Variants in DNAH17 observed in about 807,000 individuals in gnomAD.
DNAH17 encodes axonemal beta dynein heavy chain 17.
A neutral mutation model predicts 485.6 loss-of-function variants in DNAH17; 376 were observed. The observed-to-expected ratio is 0.77, with a 90% confidence interval of 0.71 to 0.84. The LOEUF (loss-of-function observed/expected upper bound fraction) is 0.84, where lower values mean the gene tolerates loss of function less well. DNAH17 is among the 40% of genes least tolerant of loss of function. The pLI, the probability that DNAH17 is intolerant of heterozygous loss-of-function variation, is 0.00. For missense variants in DNAH17, 6,370 were observed against 5,839.3 expected, an observed-to-expected ratio of 1.09 and a Z score of -2.96; for synonymous variants, 3,031 against 2,405.9, an observed-to-expected ratio of 1.26 and a Z score of -7.60.
intron 9 of DNAH17, 85 bp downstream of exon 9, chr17:78,569,081 G>A (rs546354435): frequency 2.8e-6 from 3 of 1,057,824 alleles, no homozygotes; most frequent in South Asian, 2.9e-5. Context: ...TATTGGCAAG[G>A]GGGGTAGGGA....
chr17:78,445,808 T>A (rs559263211), intron 69 of DNAH17, 128 bp from the exon 70 acceptor site: 1 of 1,003,612 alleles, frequency 1.0e-6, no homozygotes, highest in African/African-American at 1.6e-5. Context: ...CCTGCCCCTT[T>A]GGTTTGGGGT....
At chr17:78,551,672 G>C in intron 15 of DNAH17, 34 bp from the exon 16 acceptor site, 2 of 1,605,354 alleles carry the variant, frequency 1.2e-6, no homozygotes, top group Non-Finnish European at 1.7e-6. Context: ...CTTACAAAAT[G>C]AACAATTCAG....
At position 78,530,211 on chromosome 17, in the gene DNAH17, C is replaced by T. The variant is rs567847662; in HGVS notation, c.3284+132G>A. On this transcript the variant is annotated intron_variant, in intron 21 of 80. Transcript: ENST00000389840. ...GCTCACGCTTGGTGGGGTAGTTGGCCTTGAAGCCCAGCCTCCACCCCCTGC... is the reference window on the plus strand; with the variant it reads ...GCTCACGCTTGGTGGGGTAGTTGGCTTTGAAGCCCAGCCTCCACCCCCTGC... 6 of 1,149,922 alleles carry T rather than the reference C, an allele frequency of 5.2e-6. No individual in the cohort carries two copies. The East Asian group carries it at 1.3e-4, about 25-fold the overall frequency. 71.2% of individuals were successfully genotyped at this position (1,149,922 alleles called of 1,614,324 possible). A position where few individuals can be genotyped will look rare whatever the true frequency, so the allele number is the denominator to read the frequency against.
intron 20 of DNAH17, among the ~76,000 whole-genome samples, chr17:78,531,337 CTTTTT>C (rs35874440): frequency 8.2e-6 from 1 of 122,368 alleles, no homozygotes. Context: ...TAAAGTCTGT[CTTTTT>C]TTTTTTTTTT....
At chr17:78,531,032 A>T (rs968420120) in intron 20 of DNAH17, among the ~76,000 whole-genome samples, 1 of 152,194 alleles carries the variant, frequency 6.6e-6, no homozygotes, top group South Asian at 2.1e-4. Context: ...GCTGTTGGGT[A>T]AAGTGTTCTG....
chr17:78,427,966 CAAAAAAA>C (rs55900135), intron 77 of DNAH17, among the ~76,000 whole-genome samples: 7 of 98,212 alleles, frequency 7.1e-5, no homozygotes, highest in Admixed American at 2.2e-4. Flanking sequence ...AACTCCGTCT[CAAAAAAA>C]AAAAAAAAAA....
intron 3 of DNAH17, 128 bp from the exon 4 acceptor site, chr17:78,571,910 C>T: frequency 1.2e-6 from 1 of 860,824 alleles, no homozygotes; most frequent in Non-Finnish European, 1.8e-6. Context: ...GTCTCATGTC[C>T]CTGGTGCCTC....
chr17:78,432,978 G>A (rs1326995242), intron 75 of DNAH17, among the ~76,000 whole-genome samples: 3 of 120,848 alleles, frequency 2.5e-5, no homozygotes, highest in Non-Finnish European at 3.2e-5. Context: ...CTCCAACCCC[G>A]AGGCCCCACG....
At chr17:78,428,924 TAA>T (rs11409298) in intron 76 of DNAH17, among the ~76,000 whole-genome samples, 195 bp downstream of exon 76, 6 of 103,298 alleles carry the variant, frequency 5.8e-5, no homozygotes, top group South Asian at 3.6e-4. Context: ...TTTCTTTCTT[TAA>T]AAAAAAAAAA....
At chr17:78,448,714 G>A (rs956685528) in intron 69 of DNAH17, among the ~76,000 whole-genome samples, 4 of 152,206 alleles carry the variant, frequency 2.6e-5, no homozygotes, top group Non-Finnish European at 4.4e-5. Flanking sequence ...GGCCGTGACA[G>A]CAGAGTGAAT....
At chr17:78,510,318 G>A (rs1015341104) in intron 27 of DNAH17, 66 bp downstream of exon 27, 1 of 1,588,000 alleles carries the variant, frequency 6.3e-7, no homozygotes, top group South Asian at 1.1e-5. Context: ...GGCGCTCTCA[G>A]TGGTTGGAGG....
chr17:78,464,031 CT>C (rs1021653188), intron 56 of DNAH17, among the ~76,000 whole-genome samples: 36 of 152,266 alleles, frequency 2.4e-4, no homozygotes, highest in Admixed American at 2.1e-3. Context: ...CAAGTAGGCT[CT>C]TTTTCCCATC....
chr17:78,440,257 T>C (rs1293388326), intron 72 of DNAH17, among the ~76,000 whole-genome samples: 4 of 135,418 alleles, frequency 3.0e-5, no homozygotes, highest in Non-Finnish European at 6.3e-5. Flanking sequence ...TTTTTTTTTT[T>C]TTTTTTTTTT....
At chr17:78,425,202 G>A in intron 80 of DNAH17, 144 bp downstream of exon 80, 1 of 767,028 alleles carries the variant, frequency 1.3e-6, no homozygotes, top group South Asian at 1.8e-5. Flanking sequence ...TGACCTGCAG[G>A]CTGATGCCCC....
chr17:78,426,867 G>A (rs2086490051), intron 78 of DNAH17, 59 bp downstream of exon 78: 5 of 1,550,936 alleles, frequency 3.2e-6, no homozygotes, highest in Middle Eastern at 1.7e-4. Flanking sequence ...CAGAGGCCTG[G>A]GTTTCTGCTG....
chr17:78,569,385 A>G lies in DNAH17; in HGVS notation c.1187T>C (p.Leu396Pro). The G allele has an allele frequency of 6.2e-7, 1 of 1,613,044 alleles. No individual in the cohort carries two copies. The highest frequency in any genetic ancestry group is 8.5e-7 in the Non-Finnish European group (1 of 1,179,480). The change falls in exon 8 of 81, where the codon CTT (leucine) becomes CCT (proline). Residue 396 changes from leucine to proline, a missense_variant. Transcript: ENST00000389840. ...TYDFCCVNMK[L>P]FFKDKEPVPW... ...GCGAGGAAGGGGTACCTTAAAGAAA[A>G]GCTTCATGTTCACGCAGCAGAAGTC...
In DNAH17 at chr17:78,551,535, C is replaced by A; in HGVS notation, c.2391G>T (p.Lys797Asn). 1 of 1,613,940 alleles carries A rather than the reference C, an allele frequency of 6.2e-7. No individual in the cohort carries two copies. The highest frequency in any genetic ancestry group is 8.5e-7 in the Non-Finnish European group (1 of 1,179,770). Residue 797 changes from lysine to asparagine, a missense_variant and splice_region_variant, in exon 16 of 81, where the codon AAG (lysine) becomes AAT (asparagine). By Grantham distance (94) the Lys-to-Asn change is moderately conservative (BLOSUM62 0). Transcript: ENST00000389840. ...QNIEGISQAM[K>N]DWSANPLFER... ...ACTCTGTGCTCTGCCCCTTGCTTAC[C>A]TTCATAGCCTGGGAAATTCCTTCTA...
intron 51 of DNAH17, among the ~76,000 whole-genome samples, chr17:78,478,014 TCACCATCACCAC>T (rs1413134047): frequency 2.6e-5 from 3 of 115,882 alleles, no homozygotes; most frequent in African/African-American, 6.9e-5. Flanking sequence ...ATCACCATCA[TCACCATCACCAC>T]CACCATCACA....
chr17:78,458,706 T>C, intron 61 of DNAH17, 26 bp from the exon 62 acceptor site: 4 of 1,594,680 alleles, frequency 2.5e-6, no homozygotes, highest in East Asian at 2.2e-5. Flanking sequence ...GGAAAGCTGC[T>C]GGAAAACCCC....
Sources: allele counts gnomAD v4.1 joint callset (sites outside exome capture counted in the v4.1 genomes callset), GRCh38; gene constraint gnomAD v4.1.1; transcripts MANE v1.5; gene names NCBI Gene and HGNC (gene_info 2026-07-23, HGNC 2026-07-21).